CAMKK2: variants seen among roughly 807,000 people sequenced by gnomAD.
CAMKK2 encodes the protein calcium/calmodulin-dependent protein kinase kinase 2.
CAMKK2 carries 30 observed loss-of-function variants against 67.2 expected under a neutral mutation model. That is an observed-to-expected ratio of 0.45 (90% CI 0.33 to 0.61). The LOEUF is 0.61. Ranked by LOEUF, CAMKK2 falls within the 20% of genes least tolerant of loss-of-function variation. The pLI, the probability that CAMKK2 is intolerant of heterozygous loss-of-function variation, is 0.02. For synonymous variants in CAMKK2, 322 were observed against 326.2 expected (o/e 0.99, Z 0.14); for missense variants, 643 against 802.0 (o/e 0.80, Z 2.39).
chr12:121,261,136 A>G (rs953308967), intron 6 of CAMKK2, among the ~76,000 whole-genome samples: 5 of 152,064 alleles, frequency 3.3e-5, no homozygotes, highest in African/African-American at 1.2e-4. Context: ...AAGGGCAGGC[A>G]TCAGGCTACA....
intron 1 of CAMKK2, among the ~76,000 whole-genome samples, chr12:121,292,702 G>A (rs1255518439): frequency 6.6e-6 from 1 of 152,148 alleles, no homozygotes; most frequent in Non-Finnish European, 1.5e-5. Context: ...AGACACAATG[G>A]CTATAATCCA....
chr12:121,281,685 T>C (rs1178621160), intron 1 of CAMKK2, among the ~76,000 whole-genome samples: 1 of 152,214 alleles, frequency 6.6e-6, no homozygotes, highest in African/African-American at 2.4e-5. Flanking sequence ...CGGTGGCTCA[T>C]GCCTGGAATC....
intron 2 of CAMKK2, among the ~76,000 whole-genome samples, chr12:121,272,680 T>A (rs1593420805): frequency 1.4e-5 from 2 of 138,532 alleles, no homozygotes; most frequent in Admixed American, 1.6e-4. Flanking sequence ...CTGGCCAACA[T>A]GGCATTACCC....
At chr12:121,290,144 C>T (rs953807657) in intron 1 of CAMKK2, among the ~76,000 whole-genome samples, 3 of 152,156 alleles carry the variant, frequency 2.0e-5, no homozygotes, top group African/African-American at 7.2e-5. Context: ...TTCTGTACTC[C>T]GCTTCCCTTG....
intron 6 of CAMKK2, among the ~76,000 whole-genome samples, chr12:121,262,609 A>G (rs978291359): frequency 2.6e-5 from 4 of 151,886 alleles, no homozygotes; most frequent in Non-Finnish European, 4.4e-5. Context: ...CCCAGGCTCG[A>G]GTGCAGTGGC....
At chr12:121,293,539 A>T (rs1264123503) in intron 1 of CAMKK2, among the ~76,000 whole-genome samples, 1 of 152,068 alleles carries the variant, frequency 6.6e-6, no homozygotes, top group African/African-American at 2.4e-5. Flanking sequence ...GGCCCATGTT[A>T]AAATTTGAGC....
At chr12:121,287,903 T>C (rs190353026) in intron 1 of CAMKK2, among the ~76,000 whole-genome samples, 1 of 152,224 alleles carries the variant, frequency 6.6e-6, no homozygotes, top group Admixed American at 6.5e-5. Flanking sequence ...GGCCAGGAGG[T>C]TGGGGCTGTA....
At chr12:121,271,270 T>A (rs1895703447) in intron 2 of CAMKK2, among the ~76,000 whole-genome samples, 1 of 99,762 alleles carries the variant, frequency 1.0e-5, no homozygotes, top group African/African-American at 7.4e-5. Context: ...TAAAACTGTG[T>A]CTCAAAAAAA....
In CAMKK2 at chr12:121,263,936, C is replaced by A; in HGVS notation, c.629G>T (p.Arg210Leu). ...KLIRQAGFPR[R>L]PPPRGTRPAP... ...TGGCCGGGTGCCTCGGGGTGGAGGG[C>A]GACCTGAAGGAAACAAAAACAGACC... is the stretch of plus-strand genomic sequence containing the variant. Residue 210 changes from arginine (R) to leucine (L), a missense_variant, in exon 6 of 17, where the codon CGC (arginine) becomes CTC (leucine). By Grantham distance (102) the Arg-to-Leu change is moderately radical (BLOSUM62 -2). Transcript: ENST00000404169. 1.3e-6 allele frequency: 2 copies of A among 1,597,072 alleles called. No individual in the cohort carries two copies. Among genetic ancestry groups the A allele is most frequent in the Non-Finnish European group, 1.7e-6 (2 of 1,168,782 alleles).
intron 9 of CAMKK2, among the ~76,000 whole-genome samples, chr12:121,255,252 A>ATATATATAATTTTATATATATATAAT (rs1891750000): frequency 2.1e-5 from 1 of 47,260 alleles, no homozygotes; most frequent in African/African-American, 8.1e-5. Flanking sequence ...ATATATAATT[A>ATATATATAATTTTATATATATATAAT]TATATATAAT....
At chr12:121,255,476 AC>A (rs1892064875) in intron 9 of CAMKK2, 73 bp downstream of exon 9, 1 of 1,273,936 alleles carries the variant, frequency 7.8e-7, no homozygotes, top group Non-Finnish European at 1.1e-6. Context: ...AAAATAAGAC[AC>A]TTTCCACTTT....
chr12:121,271,026 G>A, intron 2 of CAMKK2, 81 bp from the exon 3 acceptor site: 1 of 1,132,478 alleles, frequency 8.8e-7, no homozygotes, highest in Non-Finnish European at 1.3e-6. Context: ...ACACCTACAA[G>A]CCCTTCAGGA....
At chr12:121,260,981 GC>G (rs1328209525) in intron 6 of CAMKK2, among the ~76,000 whole-genome samples, 3 of 150,226 alleles carry the variant, frequency 2.0e-5, no homozygotes, top group African/African-American at 7.4e-5. Flanking sequence ...ATCCAACCCA[GC>G]TCCTAGGAGA....
At chr12:121,289,093 C>T (rs573078571) in intron 1 of CAMKK2, among the ~76,000 whole-genome samples, 10 of 152,094 alleles carry the variant, frequency 6.6e-5, no homozygotes, top group Non-Finnish European at 1.0e-4. Context: ...ACCAAAAGAG[C>T]GGGCTGGGTG....
chr12:121,254,131 C>T (rs776213784), intron 9 of CAMKK2, among the ~76,000 whole-genome samples: 10 of 152,136 alleles, frequency 6.6e-5, no homozygotes, highest in Admixed American at 1.3e-4. Context: ...TTAATTAAAC[C>T]TCACAACCAT....
chr12:121,255,248 A>T (rs1891732611), intron 9 of CAMKK2, among the ~76,000 whole-genome samples: 2 of 72,122 alleles, frequency 2.8e-5, no homozygotes, highest in Non-Finnish European at 5.3e-5. Flanking sequence ...ATATATATAT[A>T]ATTATATATA....
intron 2 of CAMKK2, among the ~76,000 whole-genome samples, chr12:121,271,273 CAAAAAA>C (rs11332649): frequency 8.9e-6 from 1 of 112,966 alleles, no homozygotes; most frequent in South Asian, 2.9e-4. Context: ...AACTGTGTCT[CAAAAAA>C]AAAAAAAAAA....
At chr12:121,265,484 C>A (rs937923440) in intron 5 of CAMKK2, among the ~76,000 whole-genome samples, 1 of 152,086 alleles carries the variant, frequency 6.6e-6, no homozygotes, top group Non-Finnish European at 1.5e-5. Flanking sequence ...AAAACCTAAT[C>A]CCCAACGTGA....
In CAMKK2 at chr12:121,240,238, TG is replaced by T. The variant is rs1486660589; in HGVS notation, c.*460del. ...CTGGAAGGTGCCATGGTTTCCGGTT[TG>T]CACTAGGAGCCACATCTAGCCCCCT... On this transcript the variant is annotated 3_prime_UTR_variant, in exon 17 of 17. Transcript: ENST00000404169. The surrounding 1 kb of genome is among the most constrained non-coding windows in gnomAD (Gnocchi z 4.4). The T allele has an allele frequency of 1.6e-6, 1 of 606,784 alleles. No individual in the cohort carries two copies. The highest frequency in any genetic ancestry group is 2.8e-5 in the East Asian group (1 of 35,876). The allele number at this position is 606,784 out of a possible 1,614,324, so 37.6% of individuals were successfully genotyped here.
Sources: allele counts gnomAD v4.1 joint callset (sites outside exome capture counted in the v4.1 genomes callset), GRCh38; gene constraint gnomAD v4.1.1; non-coding constraint Gnocchi (gnomAD v3.1); transcripts MANE v1.5; gene names NCBI Gene and HGNC (gene_info 2026-07-23, HGNC 2026-07-21).